The following GGA2 variants were observed in gnomAD, a reference collection of about 807,000 sequenced individuals.
GGA2 encodes the protein golgi associated, gamma adaptin ear containing, ARF binding protein 2.
A neutral mutation model predicts 79.5 loss-of-function variants in GGA2; 48 were observed. The ratio of observed to expected loss-of-function variants is 0.60; its 90% CI spans 0.48 to 0.77. GGA2 has a LOEUF of 0.77. GGA2 is among the 30% of genes least tolerant of loss of function. The pLI, the probability that GGA2 is intolerant of heterozygous loss-of-function variation, is 0.00. For synonymous variants in GGA2, 317 were observed against 302.0 expected (o/e 1.05, Z -0.51); for missense variants, 770 against 774.0 (o/e 0.99, Z 0.06).
rs1355546065 is a variant in GGA2, at chr16:23,519,735, A to G, written c.9-96T>C. 1.9e-5 allele frequency: 5 copies of G among 257,922 alleles called. No homozygotes were observed. In the East Asian group the frequency reaches 5.9e-4, roughly 30 times the overall value. The allele number at this position is 257,922 out of a possible 1,614,324, so 16.0% of individuals were successfully genotyped here. A position where few individuals can be genotyped will look rare whatever the true frequency, so the allele number is the denominator to read the frequency against. On this transcript the variant is annotated intron_variant, in intron 1 of 5. Coordinates refer to the GGA2 transcript ENST00000569300. ...CCGAGTGGCTGCCTTTGGTCCCAAC[A>G]GGTTTCTAGGTACAGATTCCATTCT...
chr16:23,494,758 C>G (rs936646368), intron 2 of GGA2, among the ~76,000 whole-genome samples: 1 of 152,224 alleles, frequency 6.6e-6, no homozygotes, highest in Non-Finnish European at 1.5e-5. Flanking sequence ...TGGGTTCAAA[C>G]TGGCCAAATA....
Position 23,486,067 on chromosome 16 carries a change from A to C in GGA2, c.746T>G (p.Leu249Arg). ...CTGCCCTGGCCTGCGGTACATGCTC[A>C]GCATCTCCTGCAGCACCTTCACATG... ...RSHVKVLQEM[L>R]SMYRRPGQAP... Residue 249 changes from leucine (L) to arginine (R), a missense_variant, in exon 8 of 17, where the codon CTG becomes CGG. Transcript: ENST00000309859. 1 of 1,614,190 alleles carries C rather than the reference A, an allele frequency of 6.2e-7. No homozygotes were observed. The highest frequency in any genetic ancestry group is 8.5e-7 in the Non-Finnish European group (1 of 1,180,006).
intron 1 of GGA2, among the ~76,000 whole-genome samples, chr16:23,498,194 C>A (rs892159123): frequency 1.3e-5 from 2 of 151,872 alleles, no homozygotes; most frequent in Admixed American, 6.6e-5. Context: ...GCAGGAGAAT[C>A]GCTTGAACCC....
chr16:23,484,896 A>AT (rs2142125185), intron 8 of GGA2, among the ~76,000 whole-genome samples: 1 of 152,386 alleles, frequency 6.6e-6, no homozygotes, highest in East Asian at 1.9e-4. Context: ...CTATGTTCAC[A>AT]TAAAAACTTG....
In GGA2 at chr16:23,494,422, A is replaced by T. The variant is rs1016484446; in HGVS notation, c.177-44T>A. ...ACCTAGACTCTGGGCGGGCAAAAAG[A>T]AACTAACCCGAGTGGCTGAGCATGC... On this transcript the variant is annotated intron_variant, in intron 2 of 16. Coordinates refer to ENST00000309859, the MANE Select transcript of GGA2 (RefSeq NM_015044.4). The T allele has an allele frequency of 2.4e-6, 3 of 1,264,268 alleles. No individual in the cohort carries two copies. The African/African-American group carries it at 4.4e-5, about 19-fold the overall frequency. The allele number at this position is 1,264,268 out of a possible 1,614,324, so 78.3% of individuals were successfully genotyped here. A position where few individuals can be genotyped will look rare whatever the true frequency, so the allele number is the denominator to read the frequency against.
At chr16:23,479,232 A>G (rs1964616494) in intron 11 of GGA2, among the ~76,000 whole-genome samples, 1 of 151,342 alleles carries the variant, frequency 6.6e-6, no homozygotes, top group South Asian at 2.1e-4. Flanking sequence ...TCCCCTACTC[A>G]AAACCACCCT....
intron 9 of GGA2, 30 bp from the exon 10 acceptor site, chr16:23,480,800 C>G (rs1290965807): frequency 8.8e-6 from 14 of 1,592,016 alleles, no homozygotes; most frequent in Non-Finnish European, 1.1e-5. Flanking sequence ...TCAGAACCCC[C>G]TGGTTTGGCA....
Position 23,510,488 on chromosome 16 carries a change from T to C in GGA2, c.-77A>G, listed in dbSNP as rs1259267704. ...GTAGCGTCCTGGCGCTCTCCTCTGC[T>C]GACTGCGCGGCAGGAGCGGTGGACA... On this transcript the variant is annotated 5_prime_UTR_variant, in exon 1 of 17. Transcript: ENST00000309859. 2 of 526,716 alleles carry C rather than the reference T, an allele frequency of 3.8e-6. No individual in the cohort carries two copies. Among genetic ancestry groups the C allele is most frequent in the Non-Finnish European group, 3.0e-6 (1 of 338,326 alleles). 32.6% of individuals were successfully genotyped at this position (526,716 alleles called of 1,614,324 possible).
chr16:23,490,000 C>T (rs959159595), intron 5 of GGA2, among the ~76,000 whole-genome samples: 5 of 152,226 alleles, frequency 3.3e-5, no homozygotes, highest in African/African-American at 1.2e-4. Flanking sequence ...GATGCAGTGC[C>T]TGCCTAAGAA....
At chr16:23,509,939 G>A in intron 1 of GGA2, among the ~76,000 whole-genome samples, 1 of 151,950 alleles carries the variant, frequency 6.6e-6, no homozygotes, top group Non-Finnish European at 1.5e-5. Context: ...CTTCCGTAGT[G>A]GGGTTAATAA....
At chr16:23,499,463 AAAG>A (rs1964895978) in intron 1 of GGA2, among the ~76,000 whole-genome samples, 1 of 151,916 alleles carries the variant, frequency 6.6e-6, no homozygotes, top group African/African-American at 2.4e-5. Flanking sequence ...TTTCTTTAAG[AAAG>A]AAAAAACCTC....
intron 15 of GGA2, chr16:23,469,548 T>G (rs1964483996): frequency 6.3e-6 from 1 of 158,216 alleles, no homozygotes. Flanking sequence ...ATTGGCCAAG[T>G]GTCTCATATC....
chr16:23,509,983 G>A (rs756587152), intron 1 of GGA2, among the ~76,000 whole-genome samples: 3 of 151,602 alleles, frequency 2.0e-5, no homozygotes, highest in Non-Finnish European at 4.4e-5. Context: ...TGAGGATTAA[G>A]CAGGACTAAG....
chr16:23,485,900 G>A lies in GGA2; in HGVS notation c.798+115C>T, dbSNP rs985948245. The stretch of plus-strand genomic sequence containing the variant: ...GCAGCACAACGACATTTGGGGAGGT[G>A]TCAGATATGTTTACCGTCTTGACTC... On this transcript the variant is annotated intron_variant, in intron 8 of 16. Transcript: ENST00000309859. 6 of 932,510 alleles carry A rather than the reference G, an allele frequency of 6.4e-6. No homozygotes were observed. In the Admixed American group the frequency reaches 9.0e-5, roughly 14 times the overall value. 57.8% of individuals were successfully genotyped at this position (932,510 alleles called of 1,614,324 possible).
At chr16:23,510,893 G>A (rs1233020818), upstream of GGA2, among the ~76,000 whole-genome samples, 1 of 149,792 alleles carries the variant, frequency 6.7e-6, no homozygotes, top group Admixed American at 6.6e-5. Flanking sequence ...GTGTGTTAGA[G>A]ACTGGGTTTC....
chr16:23,486,346 T>C (rs939466972), intron 7 of GGA2, among the ~76,000 whole-genome samples, 194 bp from the exon 8 acceptor site: 2 of 152,086 alleles, frequency 1.3e-5, no homozygotes, highest in Admixed American at 1.3e-4. Flanking sequence ...AAAATGCAGT[T>C]TGGGGACTGG....
chr16:23,502,567 C>G (rs1237711875), intron 1 of GGA2, among the ~76,000 whole-genome samples: 1 of 152,230 alleles, frequency 6.6e-6, no homozygotes, highest in Admixed American at 6.5e-5. Context: ...CAGGGACACA[C>G]TGCAACTCAC....
At chr16:23,479,975 T>C in intron 10 of GGA2, 88 bp from the exon 11 acceptor site, 1 of 1,288,504 alleles carries the variant, frequency 7.8e-7, no homozygotes, top group South Asian at 1.3e-5. Flanking sequence ...TCAGACCACC[T>C]CCTAATCAAA....
At chr16:23,511,734 G>T (rs1567372977), upstream of GGA2, among the ~76,000 whole-genome samples, 1 of 152,028 alleles carries the variant, frequency 6.6e-6, no homozygotes. Context: ...AGTATGTCAT[G>T]ATTATCATAA....
Sources: allele counts gnomAD v4.1 joint callset (sites outside exome capture counted in the v4.1 genomes callset), GRCh38; gene constraint gnomAD v4.1.1; transcripts MANE v1.5; gene names NCBI Gene and HGNC (gene_info 2026-07-23, HGNC 2026-07-21).